The following IL1RAPL2 variants were observed in gnomAD, a reference collection of about 807,000 sequenced individuals.
IL1RAPL2 encodes interleukin 1 receptor accessory protein like 2.
Under a neutral mutation model 44.1 loss-of-function variants are expected in IL1RAPL2, and 3 were observed. The observed-to-expected ratio is 0.07, with a 90% CI of 0.03 to 0.18. IL1RAPL2 has a LOEUF of 0.18. Ranked by LOEUF, IL1RAPL2 falls within the 10% of genes least tolerant of loss-of-function variation. The probability of loss-of-function intolerance (pLI) is 1.00; values close to 1 mark genes in which losing one functional copy is unlikely to be tolerated. For synonymous variants in IL1RAPL2, 181 were observed against 178.8 expected (o/e 1.01, Z -0.10); for missense variants, 391 against 496.4 (o/e 0.79, Z 2.02).
chrX:105,608,836 G>A (rs2037314761), intron 6 of IL1RAPL2, among the ~76,000 whole-genome samples: 1 of 111,801 alleles, frequency 8.9e-6, no homozygotes, highest in African/African-American at 3.2e-5. Context: ...ATATAGTGTG[G>A]ACTGTACCAG....
intron 2 of IL1RAPL2, among the ~76,000 whole-genome samples, chrX:105,054,152 TACAC>T (rs921235595): frequency 7.3e-5 from 8 of 110,040 alleles, no homozygotes; most frequent in African/African-American, 2.3e-4. Flanking sequence ...GGCACACTAA[TACAC>T]ACACACACAC....
intron 4 of IL1RAPL2, among the ~76,000 whole-genome samples, chrX:105,264,158 A>T (rs138657803): frequency 0.045 from 4,961 of 110,404 alleles, 138 homozygotes; most frequent in Non-Finnish European, 0.071. Context: ...GGTTTCCCCC[A>T]TCCTGTTCTC....
At chrX:105,635,230 C>T (rs1041293422) in intron 6 of IL1RAPL2, among the ~76,000 whole-genome samples, 1 of 111,630 alleles carries the variant, frequency 9.0e-6, no homozygotes, top group African/African-American at 3.3e-5. Context: ...GAAGGAAAGA[C>T]GATGAGCATG....
rs190076299 is a variant in IL1RAPL2 at position 105,203,096 on chromosome X, T to C, written c.356+7348T>C. On this transcript the variant is annotated intron_variant, in intron 3 of 10. Coordinates refer to ENST00000372582, the MANE Select transcript of IL1RAPL2 (RefSeq NM_017416.2). ...AAAACTTCCACTACATCTGCCCACC[T>C]ACTGGCATCTATACCTACATATTCT... Among the ~76,000 whole-genome samples the C allele has an allele frequency of 4.5e-3, 508 of 111,923 alleles. 2 individuals carry two copies. Among genetic ancestry groups the C allele is most frequent in the African/African-American group, 0.015 (465 of 30,843 alleles).
At position 105,447,170 on chromosome X, in the gene IL1RAPL2, AATATAT is replaced by A. The variant is rs1378001677; in HGVS notation, c.698-37137_698-37132del. On this transcript the variant is annotated intron_variant, in intron 5 of 10. Coordinates refer to ENST00000372582, the MANE Select transcript of IL1RAPL2 (RefSeq NM_017416.2). ...ATATATATAAATATAAATATATATA[AATATAT>A]ATATAAATATAAATATATATAAATA... Among the ~76,000 whole-genome samples the A allele has an allele frequency of 9.4e-5, 3 of 32,075 alleles. 1 individual carries two copies. Among genetic ancestry groups the A allele is most frequent in the African/African-American group, 4.8e-4 (3 of 6,196 alleles). The allele number at this position is 32,075 out of a possible 115,157, so 27.9% of individuals were successfully genotyped here. A position where few individuals can be genotyped will look rare whatever the true frequency, so the allele number is the denominator to read the frequency against.
chrX:105,327,290 C>T (rs1250970982), intron 5 of IL1RAPL2, among the ~76,000 whole-genome samples: 1 of 111,578 alleles, frequency 9.0e-6, no homozygotes, highest in African/African-American at 3.3e-5. Flanking sequence ...AGTTGGAGGT[C>T]TGTGAGTTGG....
At chrX:105,219,484 G>A in intron 3 of IL1RAPL2, 1 of 1,210,037 alleles carries the variant, frequency 8.3e-7, no homozygotes, top group Non-Finnish European at 1.1e-6. Flanking sequence ...CTTCTCTGTG[G>A]TCTCCATGGA....
At chrX:104,567,297 G>T (rs1031268931) in intron 1 of IL1RAPL2, among the ~76,000 whole-genome samples, 1 of 112,841 alleles carries the variant, frequency 8.9e-6, no homozygotes, top group African/African-American at 3.2e-5. Context: ...CGTCCTTCAG[G>T]TGCCCGCGAG....
intron 6 of IL1RAPL2, among the ~76,000 whole-genome samples, chrX:105,623,338 C>T (rs970393604): frequency 1.8e-5 from 2 of 110,116 alleles, no homozygotes; most frequent in African/African-American, 6.6e-5. Flanking sequence ...AGGTAACACA[C>T]ACACACACGT....
intron 1 of IL1RAPL2, among the ~76,000 whole-genome samples, chrX:104,617,418 C>T (rs763182863): frequency 4.5e-5 from 5 of 112,052 alleles, no homozygotes; most frequent in African/African-American, 9.7e-5. Flanking sequence ...ATCTCTAGCA[C>T]GATTAGGGAA....
chrX:104,868,309 A>G lies in IL1RAPL2; in HGVS notation c.82+209314A>G, dbSNP rs1922672630. Among the ~76,000 whole-genome samples, 4 of 112,126 alleles carry G rather than the reference A, an allele frequency of 3.6e-5. No individual in the cohort carries two copies. The South Asian group carries it at 1.5e-3, about 43-fold the overall frequency. ...AGATATTGGACTGCTCCCTCATGCA[A>G]AGCTCTGAAGTTCTATATGTAGACA... On this transcript the variant is annotated intron_variant, in intron 2 of 10. Coordinates refer to ENST00000372582, the MANE Select transcript of IL1RAPL2 (RefSeq NM_017416.2).
At chrX:105,357,607 A>T (rs2035212856) in intron 5 of IL1RAPL2, among the ~76,000 whole-genome samples, 1 of 110,908 alleles carries the variant, frequency 9.0e-6, no homozygotes, top group South Asian at 3.8e-4. Flanking sequence ...TTGTTCATAA[A>T]TGAATAAATT....
intron 2 of IL1RAPL2, among the ~76,000 whole-genome samples, chrX:104,957,803 C>G (rs772010059): frequency 2.7e-5 from 3 of 111,795 alleles, no homozygotes; most frequent in Non-Finnish European, 3.8e-5. Flanking sequence ...CTCTTCTGGG[C>G]TGGGCACAGT....
chrX:104,703,958 C>A (rs1931322525), intron 2 of IL1RAPL2, among the ~76,000 whole-genome samples: 1 of 111,745 alleles, frequency 8.9e-6, no homozygotes, highest in East Asian at 2.8e-4. Context: ...TTTCTGAACC[C>A]AATCTAGTTT....
At chrX:105,486,697 A>G (rs148032276) in intron 6 of IL1RAPL2, among the ~76,000 whole-genome samples, 109 of 109,403 alleles carry the variant, frequency 1.0e-3, no homozygotes, top group African/African-American at 3.5e-3. Flanking sequence ...TTCATTTGGT[A>G]TGAAAACAAT....
intron 2 of IL1RAPL2, among the ~76,000 whole-genome samples, chrX:105,082,694 C>T (rs1204173735): frequency 1.8e-5 from 2 of 111,637 alleles, no homozygotes; most frequent in Non-Finnish European, 3.8e-5. Context: ...CTGCAGCAGA[C>T]CTGCAGCAGA....
At chrX:105,447,921 A>G (rs1440377912) in intron 5 of IL1RAPL2, among the ~76,000 whole-genome samples, 3 of 97,375 alleles carry the variant, frequency 3.1e-5, no homozygotes, top group Non-Finnish European at 4.0e-5. Context: ...ATATAAATAT[A>G]TAAATATATT....
At chrX:104,947,692 G>A (rs1186986220) in intron 2 of IL1RAPL2, among the ~76,000 whole-genome samples, 1 of 110,794 alleles carries the variant, frequency 9.0e-6, no homozygotes, top group African/African-American at 3.3e-5. Flanking sequence ...CCCATTTCTT[G>A]TTTTTGTCAG....
intron 2 of IL1RAPL2, among the ~76,000 whole-genome samples, chrX:104,698,682 G>A (rs778752444): frequency 8.9e-6 from 1 of 111,838 alleles, no homozygotes; most frequent in African/African-American, 3.2e-5. Flanking sequence ...ATTTAATGCC[G>A]GCTTTCATGA....
Sources: allele counts gnomAD v4.1 joint callset (sites outside exome capture counted in the v4.1 genomes callset), GRCh38; gene constraint gnomAD v4.1.1; transcripts MANE v1.5; gene names NCBI Gene and HGNC (gene_info 2026-07-23, HGNC 2026-07-21).